Variants in XRCC4 observed in about 807,000 individuals in gnomAD.
The protein encoded by XRCC4 is DNA repair protein XRCC4.
Under a neutral mutation model 39.1 loss-of-function variants are expected in XRCC4, and 28 were observed. The observed-to-expected ratio is 0.72, with a 90% CI of 0.53 to 0.98. XRCC4 has a LOEUF of 0.98. Among genes scored for constraint, XRCC4 ranks in the 50% least tolerant of loss-of-function variants. The pLI is 0.00. For synonymous variants in XRCC4, 123 were observed against 126.4 expected (o/e 0.97, Z 0.18); for missense variants, 350 against 376.4 (o/e 0.93, Z 0.58).
At chr5:83,129,148 T>C (rs541150835) in intron 3 of XRCC4, among the ~76,000 whole-genome samples, 1 of 150,664 alleles carries the variant, frequency 6.6e-6, no homozygotes, top group Non-Finnish European at 1.5e-5. Context: ...GAATTAATTT[T>C]TGTATAAGGT....
chr5:83,085,542 G>T (rs772175256), intron 1 of XRCC4, among the ~76,000 whole-genome samples: 18 of 152,030 alleles, frequency 1.2e-4, no homozygotes, highest in Admixed American at 2.6e-4. Flanking sequence ...TTCCATGTAT[G>T]GGTTTAACAT....
At chr5:83,336,317 G>A (rs1317826569) in intron 7 of XRCC4, among the ~76,000 whole-genome samples, 1 of 151,956 alleles carries the variant, frequency 6.6e-6, no homozygotes, top group Non-Finnish European at 1.5e-5. Context: ...TGTCTTTTCG[G>A]GCTGCATGTG....
chr5:83,281,508 T>G (rs200489036), intron 7 of XRCC4, among the ~76,000 whole-genome samples: 2 of 151,878 alleles, frequency 1.3e-5, no homozygotes, highest in Non-Finnish European at 2.9e-5. Flanking sequence ...TGTTTTGTTT[T>G]TTTTTTTTAA....
intron 3 of XRCC4, among the ~76,000 whole-genome samples, chr5:83,186,913 C>T (rs1750466379): frequency 1.3e-5 from 2 of 151,418 alleles, no homozygotes; most frequent in African/African-American, 2.4e-5. Flanking sequence ...AAACCACATA[C>T]ATTTTTGGCT....
chr5:83,100,684 A>C (rs548708180), intron 1 of XRCC4, among the ~76,000 whole-genome samples: 1 of 152,262 alleles, frequency 6.6e-6, no homozygotes, highest in East Asian at 1.9e-4. Context: ...AAAAAATGCT[A>C]TGCCACAAGT....
At chr5:83,219,290 T>A (rs1280187688) in intron 6 of XRCC4, among the ~76,000 whole-genome samples, 1 of 152,088 alleles carries the variant, frequency 6.6e-6, no homozygotes, top group East Asian at 1.9e-4. Context: ...CTGCAAAATA[T>A]CTTTTTTTGG....
Position 83,275,835 on chromosome 5 carries a change from G to A in XRCC4, c.893+17158G>A, listed in dbSNP as rs576682198. On this transcript the variant is annotated intron_variant, in intron 7 of 7. Coordinates refer to ENST00000396027, the MANE Select transcript of XRCC4 (RefSeq NM_003401.5). The stretch of plus-strand genomic sequence containing the variant: ...AGCAAATGCAATGAAAGTAAAGAAA[G>A]GGATTATTGTAGTGTCAGATTTACA... 5.4e-4 allele frequency among the ~76,000 whole-genome samples: 82 copies of A among 152,280 alleles called. 2 individuals are homozygous for A. Among genetic ancestry groups the A allele is most frequent in the African/African-American group, 1.9e-3 (79 of 41,560 alleles).
chr5:83,118,852 A>T (rs1746864600), intron 3 of XRCC4, among the ~76,000 whole-genome samples: 1 of 152,226 alleles, frequency 6.6e-6, no homozygotes, highest in Admixed American at 6.5e-5. Context: ...TGTTGCAAGG[A>T]TGTTTGTTTA....
chr5:83,203,832 G>T, intron 5 of XRCC4, 125 bp downstream of exon 5: 1 of 1,167,640 alleles, frequency 8.6e-7, no homozygotes. Context: ...TCTGGATGTG[G>T]ATGTTCAGGC....
chr5:83,298,230 G>GAA (rs527807854), intron 7 of XRCC4, among the ~76,000 whole-genome samples: 7 of 143,094 alleles, frequency 4.9e-5, no homozygotes, highest in African/African-American at 1.0e-4. Context: ...TATGTGTGTT[G>GAA]AAAAAAAAAA....
In XRCC4 at chr5:83,194,026, C is replaced by T. The variant is rs28360124; in HGVS notation, c.316-1744C>T. 3.1e-3 allele frequency among the ~76,000 whole-genome samples: 471 copies of T among 152,212 alleles called. 3 individuals carry two copies. Among genetic ancestry groups the T allele is most frequent in the African/African-American group, 0.011 (440 of 41,530 alleles). ...TAGGCTCACTGCAACCTGTGTCTCGCGGTTCAAGCGATCCTTGTGCCTCAG... is the reference window on the plus strand; with the variant it reads ...TAGGCTCACTGCAACCTGTGTCTCGTGGTTCAAGCGATCCTTGTGCCTCAG... On this transcript the variant is annotated intron_variant, in intron 3 of 7. Coordinates refer to ENST00000396027, the MANE Select transcript of XRCC4 (RefSeq NM_003401.5).
At chr5:83,121,490 T>C (rs371599661) in intron 3 of XRCC4, among the ~76,000 whole-genome samples, 1 of 152,328 alleles carries the variant, frequency 6.6e-6, no homozygotes, top group African/African-American at 2.4e-5. Flanking sequence ...TGTGACCATG[T>C]CTCATATTTT....
intron 7 of XRCC4, among the ~76,000 whole-genome samples, chr5:83,334,427 T>C (rs1414710466): frequency 6.6e-6 from 1 of 152,122 alleles, no homozygotes; most frequent in Non-Finnish European, 1.5e-5. Context: ...GTTTACAATA[T>C]GGGCATTTAC....
At chr5:83,130,336 T>C (rs1747506516) in intron 3 of XRCC4, among the ~76,000 whole-genome samples, 1 of 152,200 alleles carries the variant, frequency 6.6e-6, no homozygotes, top group Admixed American at 6.5e-5. Context: ...TTGTGGTGGA[T>C]AAGCTTTTTG....
intron 2 of XRCC4, among the ~76,000 whole-genome samples, chr5:83,109,903 G>A (rs927925608): frequency 2.0e-4 from 31 of 151,922 alleles, no homozygotes; most frequent in African/African-American, 7.5e-4. Flanking sequence ...ACTACTCTCT[G>A]TCCAGAGGAT....
chr5:83,313,346 T>G (rs923957161), intron 7 of XRCC4, among the ~76,000 whole-genome samples: 18 of 152,126 alleles, frequency 1.2e-4, no homozygotes, highest in Admixed American at 5.9e-4. Flanking sequence ...AATCTTCTAA[T>G]AGACAACACA....
chr5:83,302,273 T>A (rs1486626625), intron 7 of XRCC4, among the ~76,000 whole-genome samples: 1 of 146,298 alleles, frequency 6.8e-6, no homozygotes, highest in Admixed American at 6.8e-5. Context: ...AAAAAAAAAA[T>A]AGCTTGGTGT....
intron 3 of XRCC4, among the ~76,000 whole-genome samples, chr5:83,129,981 C>T (rs1451311813): frequency 6.6e-6 from 1 of 152,122 alleles, no homozygotes; most frequent in East Asian, 1.9e-4. Flanking sequence ...CCTAATTGCC[C>T]TGGCCAGAAC....
chr5:83,352,805 G>A (rs1057323303), intron 7 of XRCC4, among the ~76,000 whole-genome samples: 1 of 152,174 alleles, frequency 6.6e-6, no homozygotes, highest in African/African-American at 2.4e-5. Flanking sequence ...CATTAAAGGA[G>A]TAACTTGAAA....
Sources: gnomAD v4.1 joint callset for allele counts (sites outside exome capture counted in the v4.1 genomes callset) on GRCh38, gnomAD v4.1.1 for gene constraint, MANE v1.5 for transcripts, NCBI Gene and HGNC (gene_info 2026-07-23, HGNC 2026-07-21) for gene names.